JARID2: variants seen among roughly 807,000 people sequenced by gnomAD.
JARID2 encodes the protein protein Jumonji.
A neutral mutation model predicts 125.6 loss-of-function variants in JARID2; 21 were observed. The ratio of observed to expected loss-of-function variants is 0.17; its 90% CI spans 0.12 to 0.24. JARID2 has a LOEUF of 0.24. Among genes scored for constraint, JARID2 ranks in the 10% least tolerant of loss-of-function variants. JARID2 has a pLI of 1.00. For synonymous variants in JARID2, 736 were observed against 661.6 expected, an observed-to-expected ratio of 1.11 and a Z score of -1.73; for missense variants, 1,303 against 1,639.6, an observed-to-expected ratio of 0.79 and a Z score of 3.55.
intron 4 of JARID2, among the ~76,000 whole-genome samples, chr6:15,454,837 A>G (rs1036144436): frequency 6.6e-6 from 1 of 152,170 alleles, no homozygotes; most frequent in Non-Finnish European, 1.5e-5. Flanking sequence ...TTGAGTATGA[A>G]GATGGAAAGG....
At chr6:15,261,419 G>A (rs577258800) in intron 1 of JARID2, among the ~76,000 whole-genome samples, 1 of 149,724 alleles carries the variant, frequency 6.7e-6, no homozygotes, top group East Asian at 2.0e-4. Context: ...CCAGGTTCAA[G>A]CGCTTCTCTT....
At chr6:15,490,676 C>T (rs1342203083) in intron 6 of JARID2, among the ~76,000 whole-genome samples, 1 of 152,210 alleles carries the variant, frequency 6.6e-6, no homozygotes, top group Non-Finnish European at 1.5e-5. Context: ...TGGTAAGGGT[C>T]TCACCAAGGA....
intron 3 of JARID2, among the ~76,000 whole-genome samples, chr6:15,430,334 A>G (rs142527243): frequency 1.5e-4 from 23 of 152,358 alleles, no homozygotes; most frequent in African/African-American, 4.8e-4. Flanking sequence ...AGTATGTACA[A>G]TTGACCTCAA....
chr6:15,285,411 C>T (rs1488253210), intron 1 of JARID2, among the ~76,000 whole-genome samples: 1 of 152,078 alleles, frequency 6.6e-6, no homozygotes, highest in African/African-American at 2.4e-5. Flanking sequence ...AGGCGTGAGC[C>T]ACCGCGCCCA....
intron 6 of JARID2, among the ~76,000 whole-genome samples, chr6:15,488,046 G>T (rs1046088248): frequency 1.3e-5 from 2 of 152,174 alleles, no homozygotes; most frequent in Non-Finnish European, 1.5e-5. Flanking sequence ...GTGGCTGGGT[G>T]GCACCTCTTC....
intron 3 of JARID2, among the ~76,000 whole-genome samples, chr6:15,413,314 G>A (rs144448511): frequency 9.2e-5 from 14 of 152,182 alleles, no homozygotes; most frequent in Non-Finnish European, 2.9e-5. Context: ...TGCCCGGCAG[G>A]GAAGAGCTTT....
intron 1 of JARID2, among the ~76,000 whole-genome samples, chr6:15,295,108 CTTTTTTTTTTCTTTCT>C (rs1761360434): frequency 7.0e-6 from 1 of 142,214 alleles, no homozygotes; most frequent in African/African-American, 2.6e-5. Flanking sequence ...TGTGTCATTT[CTTTTTTTTTTCTTTCT>C]TTTTTTTTTT....
intron 1 of JARID2, chr6:15,248,110 C>T (rs970917907): frequency 1.0e-5 from 10 of 984,646 alleles, no homozygotes; most frequent in African/African-American, 3.5e-5. Flanking sequence ...TCTCCGAGTC[C>T]GGGCGTCCGG....
chr6:15,388,072 G>T (rs569099036), intron 2 of JARID2, among the ~76,000 whole-genome samples: 15 of 152,242 alleles, frequency 9.9e-5, no homozygotes, highest in Admixed American at 9.2e-4. Flanking sequence ...GAGTGATATT[G>T]TTCCCTGCTA....
chr6:15,402,202 T>A (rs552232037), intron 2 of JARID2, among the ~76,000 whole-genome samples: 3 of 152,326 alleles, frequency 2.0e-5, no homozygotes, highest in South Asian at 2.1e-4. Context: ...TTTGCCCATT[T>A]ATCATTACAG....
intron 1 of JARID2, among the ~76,000 whole-genome samples, chr6:15,363,108 A>C (rs922893979): frequency 6.6e-6 from 1 of 152,152 alleles, no homozygotes; most frequent in Admixed American, 6.5e-5. Context: ...ACAGCAGAAA[A>C]GGTATTTTAG....
Position 15,349,067 on chromosome 6 carries a change from A to T in JARID2, c.46-25050A>T, listed in dbSNP as rs1275370536. ...TTTTCACTGAGATTCCTGAAACCATATTGCAACATGAGTTTCCCTCTTGAC... is the reference window on the plus strand; with the variant it reads ...TTTTCACTGAGATTCCTGAAACCATTTTGCAACATGAGTTTCCCTCTTGAC... On this transcript the variant is annotated intron_variant, in intron 1 of 17. Coordinates refer to ENST00000341776, the MANE Select transcript of JARID2 (RefSeq NM_004973.4). Among the ~76,000 whole-genome samples, 2 of 152,340 alleles carry T rather than the reference A, an allele frequency of 1.3e-5. 1 individual carries two copies. Among genetic ancestry groups the T allele is most frequent in the South Asian group, 4.1e-4 (2 of 4,828 alleles).
At chr6:15,269,322 G>A (rs1760207352) in intron 1 of JARID2, among the ~76,000 whole-genome samples, 3 of 152,108 alleles carry the variant, frequency 2.0e-5, no homozygotes, top group African/African-American at 7.2e-5. Flanking sequence ...GCCTCCTAAA[G>A]TTGGATTTTT....
chr6:15,419,438 A>G (rs191731988), intron 3 of JARID2, among the ~76,000 whole-genome samples: 1 of 152,208 alleles, frequency 6.6e-6, no homozygotes, highest in Non-Finnish European at 1.5e-5. Context: ...CAAGTTATCT[A>G]CGTAGTTGCC....
At chr6:15,362,092 G>A (rs1447676764) in intron 1 of JARID2, among the ~76,000 whole-genome samples, 1 of 151,774 alleles carries the variant, frequency 6.6e-6, no homozygotes, top group Non-Finnish European at 1.5e-5. Context: ...CCGCCATGTT[G>A]GTCAGGCTGG....
intron 3 of JARID2, among the ~76,000 whole-genome samples, chr6:15,422,822 G>A (rs1314084562): frequency 3.3e-5 from 5 of 152,168 alleles, no homozygotes; most frequent in African/African-American, 1.2e-4. Context: ...TACTGCTTAT[G>A]TGACTCTGTT....
intron 3 of JARID2, among the ~76,000 whole-genome samples, chr6:15,451,695 G>A (rs1403908847): frequency 1.3e-5 from 2 of 152,180 alleles, no homozygotes; most frequent in African/African-American, 2.4e-5. Context: ...GTCAGATACC[G>A]TGTGTAGTTT....
At chr6:15,455,868 TG>T (rs1367120005) in intron 4 of JARID2, among the ~76,000 whole-genome samples, 2 of 152,248 alleles carry the variant, frequency 1.3e-5, no homozygotes, top group Non-Finnish European at 2.9e-5. Flanking sequence ...TTAACTAGTT[TG>T]GCTACTTTTG....
chr6:15,459,724 G>A (rs1336924183), intron 4 of JARID2, among the ~76,000 whole-genome samples: 1 of 152,204 alleles, frequency 6.6e-6, no homozygotes, highest in African/African-American at 2.4e-5. Flanking sequence ...TCATTGGCAA[G>A]GAACACATAT....
Sources: gnomAD v4.1 joint callset for allele counts (sites outside exome capture counted in the v4.1 genomes callset) on GRCh38, gnomAD v4.1.1 for gene constraint, MANE v1.5 for transcripts, NCBI Gene and HGNC (gene_info 2026-07-23, HGNC 2026-07-21) for gene names.